The following STK39 variants were observed in gnomAD, a reference collection of about 807,000 sequenced individuals.
The protein encoded by STK39 is STE20/SPS1-related proline-alanine-rich protein kinase.
A neutral mutation model predicts 77.8 loss-of-function variants in STK39; 20 were observed. The ratio of observed to expected loss-of-function variants is 0.26; its 90% CI spans 0.18 to 0.37. The LOEUF (loss-of-function observed/expected upper bound fraction) is 0.37. Among genes scored for constraint, STK39 ranks in the 10% least tolerant of loss-of-function variants. The pLI, the probability that STK39 is intolerant of heterozygous loss-of-function variation, is 1.00. For missense variants in STK39, 479 were observed against 656.5 expected, an observed-to-expected ratio of 0.73 and a Z score of 2.95; for synonymous variants, 246 against 234.1, an observed-to-expected ratio of 1.05 and a Z score of -0.47.
intron 2 of STK39, among the ~76,000 whole-genome samples, chr2:168,175,177 C>T (rs776703961): frequency 1.8e-4 from 28 of 151,978 alleles, no homozygotes; most frequent in Non-Finnish European, 2.6e-4. Flanking sequence ...AAAATAAGAA[C>T]GACAATAACA....
intron 1 of STK39, among the ~76,000 whole-genome samples, chr2:168,243,573 C>T (rs558093137): frequency 6.6e-6 from 1 of 152,224 alleles, no homozygotes; most frequent in Non-Finnish European, 1.5e-5. Flanking sequence ...CCTGCAAAAA[C>T]CCTAAGAAAA....
intron 2 of STK39, among the ~76,000 whole-genome samples, chr2:168,181,525 AAT>A (rs1484228299): frequency 6.6e-6 from 1 of 152,202 alleles, no homozygotes; most frequent in Non-Finnish European, 1.5e-5. Context: ...TTAAAAAAAA[AAT>A]AACTCAAATT....
chr2:168,028,325 C>T (rs1684752072), intron 14 of STK39, among the ~76,000 whole-genome samples: 1 of 152,178 alleles, frequency 6.6e-6, no homozygotes, highest in Non-Finnish European at 1.5e-5. Flanking sequence ...TTCACCTACA[C>T]AGCACAAAGT....
chr2:168,174,672 T>G (rs1336240327), intron 2 of STK39, among the ~76,000 whole-genome samples: 1 of 151,766 alleles, frequency 6.6e-6, no homozygotes, highest in East Asian at 1.9e-4. Flanking sequence ...CTGGGAATAC[T>G]GAAAAAATTC....
intron 10 of STK39, among the ~76,000 whole-genome samples, chr2:168,104,939 C>A (rs1438622565): frequency 6.6e-6 from 1 of 152,082 alleles, no homozygotes; most frequent in Non-Finnish European, 1.5e-5. Context: ...TATATCCTAC[C>A]CAGTAGTACA....
At chr2:168,132,085 TGTA>T (rs1196322411) in intron 8 of STK39, among the ~76,000 whole-genome samples, 2 of 152,172 alleles carry the variant, frequency 1.3e-5, no homozygotes, top group African/African-American at 4.8e-5. Context: ...TGAGGGAACA[TGTA>T]GTAGAAACAC....
At chr2:168,062,551 A>G (rs550016409) in intron 14 of STK39, among the ~76,000 whole-genome samples, 1 of 152,296 alleles carries the variant, frequency 6.6e-6, no homozygotes, top group East Asian at 1.9e-4. Context: ...ATCAGAAGTG[A>G]GGGGTGATTA....
At chr2:168,122,906 A>G (rs545984113) in intron 10 of STK39, among the ~76,000 whole-genome samples, 1 of 152,370 alleles carries the variant, frequency 6.6e-6, no homozygotes, top group Admixed American at 6.5e-5. Context: ...TGTTTAATGT[A>G]ATCAGTGAAT....
At chr2:167,977,725 G>A (rs1683317458) in intron 16 of STK39, among the ~76,000 whole-genome samples, 1 of 152,168 alleles carries the variant, frequency 6.6e-6, no homozygotes, top group African/African-American at 2.4e-5. Flanking sequence ...AAAACTTTGT[G>A]TGCACATTTC....
chr2:168,173,216 A>G (rs1159369316), intron 2 of STK39, among the ~76,000 whole-genome samples: 1 of 152,246 alleles, frequency 6.6e-6, no homozygotes, highest in Non-Finnish European at 1.5e-5. Context: ...GCAAGAGATG[A>G]CCAAATACAT....
At chr2:168,134,484 T>C (rs992206485) in intron 8 of STK39, among the ~76,000 whole-genome samples, 2 of 149,942 alleles carry the variant, frequency 1.3e-5, no homozygotes, top group African/African-American at 2.5e-5. Flanking sequence ...CTTAAGGATT[T>C]ATCAATGCAA....
At chr2:168,071,033 T>C (rs1685927761) in intron 12 of STK39, among the ~76,000 whole-genome samples, 1 of 152,202 alleles carries the variant, frequency 6.6e-6, no homozygotes, top group Admixed American at 6.5e-5. Context: ...CTTTGATTAA[T>C]ACTGTAATAC....
chr2:168,164,072 C>T (rs1271827265), intron 3 of STK39, among the ~76,000 whole-genome samples, 192 bp from the exon 4 acceptor site: 1 of 152,204 alleles, frequency 6.6e-6, no homozygotes, highest in Non-Finnish European at 1.5e-5. Context: ...TGCAAGAGCA[C>T]TTTCAGTGTG....
At position 168,182,039 on chromosome 2, in the gene STK39, T is replaced by C. The variant is rs1216318729; in HGVS notation, c.260A>G (p.Glu87Gly). The change falls in exon 2 of 18, where the codon GAA (glutamate) becomes GGA (glycine). Residue 87 changes from glutamate to glycine, a missense_variant. Physicochemically the swap from Glu to Gly is moderately conservative, Grantham distance 98. Transcript: ENST00000355999. ...GTTGATCCGTTTTATTGCTACACGTTCTTGCCTGGGTTTGCATAGGGCTGC... is the reference window on the plus strand; with the variant it reads ...GTTGATCCGTTTTATTGCTACACGTCCTTGCCTGGGTTTGCATAGGGCTGC... ...VQAALCKPRQ[E>G]RVAIKRINLE... 3 of 1,613,938 alleles carry C rather than the reference T, an allele frequency of 1.9e-6. No individual in the cohort carries two copies.
chr2:168,142,221 C>T (rs887918215), intron 5 of STK39, among the ~76,000 whole-genome samples: 3 of 152,264 alleles, frequency 2.0e-5, no homozygotes, highest in East Asian at 3.9e-4. Context: ...AGATACAATT[C>T]ATTCTCTTAG....
chr2:168,097,244 T>C (rs558117354), intron 10 of STK39, among the ~76,000 whole-genome samples: 1 of 152,382 alleles, frequency 6.6e-6, no homozygotes, highest in South Asian at 2.1e-4. Flanking sequence ...AAGTGCCCCT[T>C]GTGCAAATGC....
At chr2:167,976,647 G>A (rs1457749189) in intron 16 of STK39, among the ~76,000 whole-genome samples, 1 of 152,020 alleles carries the variant, frequency 6.6e-6, no homozygotes, top group Non-Finnish European at 1.5e-5. Context: ...GCCAACCTCT[G>A]CTCCTATGGC....
At chr2:168,113,961 A>G (rs1433367521) in intron 10 of STK39, among the ~76,000 whole-genome samples, 2 of 152,228 alleles carry the variant, frequency 1.3e-5, no homozygotes, top group Non-Finnish European at 2.9e-5. Context: ...ATTACCAAAA[A>G]TGTTTACTTT....
chr2:167,971,975 T>C (rs1259570557), intron 16 of STK39, among the ~76,000 whole-genome samples: 1 of 152,238 alleles, frequency 6.6e-6, no homozygotes, highest in Non-Finnish European at 1.5e-5. Flanking sequence ...AAAATGTTAA[T>C]TGGGTTACCC....
Sources: allele counts gnomAD v4.1 joint callset (sites outside exome capture counted in the v4.1 genomes callset), GRCh38; gene constraint gnomAD v4.1.1; transcripts MANE v1.5; gene names NCBI Gene and HGNC (gene_info 2026-07-23, HGNC 2026-07-21).